Variants in DMD observed in about 807,000 individuals in gnomAD.
DMD encodes dystrophin.
In DMD, 63 loss-of-function variants were observed where a neutral mutation model predicts 330.1. The ratio of observed to expected loss-of-function variants is 0.19; its 90% CI spans 0.16 to 0.24. The LOEUF (loss-of-function observed/expected upper bound fraction) is 0.24, where lower values mean the gene tolerates loss of function less well. Among genes scored for constraint, DMD ranks in the 10% least tolerant of loss-of-function variants. The probability of loss-of-function intolerance (pLI) is 1.00; values close to 1 mark genes in which losing one functional copy is unlikely to be tolerated. For missense variants in DMD, 3,344 were observed against 2,684.1 expected, an observed-to-expected ratio of 1.25 and a Z score of -5.43; for synonymous variants, 1,223 against 959.8, an observed-to-expected ratio of 1.27 and a Z score of -5.07.
chrX:31,344,474 C>T (rs1451851353), intron 61 of DMD, among the ~76,000 whole-genome samples: 2 of 111,164 alleles, frequency 1.8e-5, no homozygotes, highest in East Asian at 2.8e-4. Flanking sequence ...TTTAAACACA[C>T]GAAAATATTG....
rs1557282396 is a variant in DMD at position 33,163,628 on chromosome X, C to CTATCTATGTATGTATCTATG, written c.31+47653_31+47654insCATAGATACATACATAGATA. On this transcript the variant is annotated intron_variant, in intron 1 of 78. Transcript: ENST00000357033. Reference sequence around the variant, plus strand: ...TATATCTATATCTATCTCTATCTATCTATCTATCTATCTATCTATCTATCT... The same window carrying CTATCTATGTATGTATCTATG: ...TATATCTATATCTATCTCTATCTATCTATCTATGTATGTATCTATGTATCTATCTATCTATCTATCTATCT... 3.7e-4 allele frequency among the ~76,000 whole-genome samples: 37 copies of CTATCTATGTATGTATCTATG among 100,069 alleles called. 2 individuals carry two copies. The East Asian group carries it at 0.011, about 29-fold the overall frequency. The allele number at this position is 100,069 out of a possible 115,157, so 86.9% of individuals were successfully genotyped here.
In DMD at chrX:32,784,117, AAAC is replaced by A. The variant is rs762144105; in HGVS notation, c.649+25373_649+25375del. 9.0e-5 allele frequency among the ~76,000 whole-genome samples: 10 copies of A among 111,048 alleles called. No homozygotes were observed. The South Asian group carries it at 1.9e-3, about 21-fold the overall frequency. On this transcript the variant is annotated intron_variant, in intron 7 of 78. Coordinates refer to ENST00000357033, the MANE Select transcript of DMD (RefSeq NM_004006.3). ...GCCATTAAAGAGCAGAAGGCTAATA[AAAC>A]AACTGTTCCTATTAAATCGTTTTCT...
chrX:32,219,468 C>A (rs2097124968), intron 43 of DMD, among the ~76,000 whole-genome samples: 1 of 111,666 alleles, frequency 9.0e-6, no homozygotes, highest in Admixed American at 9.5e-5. Flanking sequence ...CTATATTTTT[C>A]AATTTGTCTA....
At chrX:32,196,796 T>G (rs780353874) in intron 44 of DMD, among the ~76,000 whole-genome samples, 2 of 109,267 alleles carry the variant, frequency 1.8e-5, no homozygotes, top group Non-Finnish European at 3.8e-5. Flanking sequence ...CCATCCTGGC[T>G]AACACGGTGA....
At chrX:31,814,257 G>A (rs1052460440) in intron 50 of DMD, among the ~76,000 whole-genome samples, 22 of 108,436 alleles carry the variant, frequency 2.0e-4, no homozygotes, top group African/African-American at 4.4e-4. Context: ...CGAGGCGGGC[G>A]GATCACGAGG....
chrX:32,811,449 GTATTA>G (rs1354457730), intron 6 of DMD, among the ~76,000 whole-genome samples: 9 of 111,329 alleles, frequency 8.1e-5, no homozygotes, highest in African/African-American at 2.6e-4. Flanking sequence ...ACTATTTAAC[GTATTA>G]TATAATTTAA....
intron 29 of DMD, among the ~76,000 whole-genome samples, chrX:32,422,711 C>A (rs1364858056): frequency 9.0e-6 from 1 of 111,177 alleles, no homozygotes; most frequent in Non-Finnish European, 1.9e-5. Flanking sequence ...TTCCTCATTC[C>A]ATCTAGGGAC....
chrX:32,343,393 T>A (rs2097754036), intron 39 of DMD, 107 bp from the exon 40 acceptor site: 1 of 759,115 alleles, frequency 1.3e-6, no homozygotes, highest in East Asian at 3.4e-5. Context: ...TTTGTACAAC[T>A]TAGGTTAAAA....
At chrX:32,192,192 G>A (rs1452334587) in intron 44 of DMD, among the ~76,000 whole-genome samples, 2 of 111,605 alleles carry the variant, frequency 1.8e-5, no homozygotes, top group Non-Finnish European at 3.8e-5. Flanking sequence ...CTATGAGGGA[G>A]GTATGATACC....
chrX:32,412,932 C>T (rs1448965539), intron 29 of DMD, among the ~76,000 whole-genome samples: 2 of 110,633 alleles, frequency 1.8e-5, no homozygotes. Flanking sequence ...TTCAGTGAAG[C>T]CAGCCTATAA....
intron 1 of DMD, among the ~76,000 whole-genome samples, chrX:33,052,249 T>A (rs1056670651): frequency 2.7e-5 from 3 of 112,177 alleles, no homozygotes; most frequent in African/African-American, 9.7e-5. Flanking sequence ...AAATTTTAGA[T>A]TAAACAAAGC....
intron 43 of DMD, among the ~76,000 whole-genome samples, chrX:32,273,212 G>GA (rs1374209690): frequency 1.9e-5 from 2 of 106,814 alleles, no homozygotes; most frequent in South Asian, 4.1e-4. Context: ...AATTAGGAAA[G>GA]AAAAAAAAAG....
At chrX:32,286,636 C>T (rs989937094) in intron 43 of DMD, among the ~76,000 whole-genome samples, 1 of 111,678 alleles carries the variant, frequency 9.0e-6, no homozygotes, top group Admixed American at 9.6e-5. Flanking sequence ...ACTGAAAGAT[C>T]GTTGAGAACA....
At position 31,178,713 on chromosome X, in the gene DMD, G is replaced by A. The variant is rs2148290948; in HGVS notation, c.10179C>T (p.Gly3393=). 3 of 1,211,145 alleles carry A rather than the reference G, an allele frequency of 2.5e-6. No homozygotes were observed. Among genetic ancestry groups the A allele is most frequent in the Non-Finnish European group, 2.2e-6 (2 of 894,945 alleles). ...KRYFAKHPRM[G]YLPVQTVLEG... ...CTAAGACAGTCTGCACTGGCAGGTA[G>A]CCCATTCGGGGATGCTTCGCAAAAT... is the stretch of plus-strand genomic sequence containing the variant. The change falls in exon 70 of 79, where the codon GGC becomes GGT. Residue 3393 remains glycine, a synonymous_variant. Coordinates refer to ENST00000357033, the MANE Select transcript of DMD (RefSeq NM_004006.3).
At chrX:31,178,227 C>T (rs2040754009) in intron 70 of DMD, 2 of 751,122 alleles carry the variant, frequency 2.7e-6, no homozygotes, top group Non-Finnish European at 3.1e-6. Flanking sequence ...TTACTACTTA[C>T]TGTGAAGTAG....
At chrX:33,161,429 C>T (rs2048765783) in intron 1 of DMD, among the ~76,000 whole-genome samples, 1 of 111,267 alleles carries the variant, frequency 9.0e-6, no homozygotes, top group Non-Finnish European at 1.9e-5. Context: ...TTACAAAACT[C>T]TTTATATATA....
chrX:31,631,726 C>G (rs965447381), intron 54 of DMD, among the ~76,000 whole-genome samples: 5 of 111,723 alleles, frequency 4.5e-5, no homozygotes, highest in South Asian at 3.8e-4. Flanking sequence ...AGAACTTGAC[C>G]TCCTGAATTG....
intron 7 of DMD, among the ~76,000 whole-genome samples, chrX:32,804,096 C>A (rs1345037932): frequency 9.1e-6 from 1 of 110,320 alleles, no homozygotes; most frequent in Non-Finnish European, 1.9e-5. Flanking sequence ...AGTCTAATAC[C>A]CAGTGGTGCC....
At position 31,329,969 on chromosome X, in the gene DMD, CAAAAAAAAAAAAAAAAAAAAA is replaced by C. The variant is rs142353794; in HGVS notation, c.9164-6332_9164-6312del. Among the ~76,000 whole-genome samples the C allele has an allele frequency of 3.9e-4, 5 of 12,878 alleles. No homozygotes were observed. In the Admixed American group the frequency reaches 7.6e-3, roughly 19 times the overall value. 11.2% of individuals were successfully genotyped at this position (12,878 alleles called of 115,157 possible). On this transcript the variant is annotated intron_variant, in intron 61 of 78. Transcript: ENST00000357033. ...CTGGCGACAGAGCAAGATTCCATCTCAAAAAAAAAAAAAAAAAAAAAAAAAAAAAAGAGGGTCCATCTCATG... is the reference window on the plus strand; with the variant it reads ...CTGGCGACAGAGCAAGATTCCATCTCAAAAAAAAAGAGGGTCCATCTCATG...
Sources: gnomAD v4.1 joint callset for allele counts (sites outside exome capture counted in the v4.1 genomes callset) on GRCh38, gnomAD v4.1.1 for gene constraint, MANE v1.5 for transcripts, NCBI Gene and HGNC (gene_info 2026-07-23, HGNC 2026-07-21) for gene names.